The following DECR1 variants were observed in gnomAD, a reference collection of about 807,000 sequenced individuals.
The protein encoded by DECR1 is 2,4-dienoyl-CoA reductase 1.
In DECR1, 44 loss-of-function variants were observed where a neutral mutation model predicts 38.8. The observed-to-expected ratio is 1.13, with a 90% CI of 0.89 to 1.46. The LOEUF is 1.46. Among genes scored for constraint, DECR1 ranks in the 40% most tolerant of loss-of-function variants. The pLI is 0.00. For synonymous variants in DECR1, 148 were observed against 135.2 expected (o/e 1.09, Z -0.66); for missense variants, 428 against 405.5 (o/e 1.06, Z -0.48).
intron 8 of DECR1, among the ~76,000 whole-genome samples, chr8:90,049,923 G>T (rs1014192432): frequency 6.6e-6 from 1 of 152,160 alleles, no homozygotes; most frequent in African/African-American, 2.4e-5. Flanking sequence ...ACAAGAAATG[G>T]GGAAAGGATT....
chr8:90,006,303 G>A (rs753860078), intron 1 of DECR1: 1 of 704,010 alleles, frequency 1.4e-6, no homozygotes, highest in Admixed American at 2.0e-5. Flanking sequence ...TGAGAGTGTT[G>A]TTGTTTGGTA....
At chr8:90,025,936 G>A (rs192850030) in intron 5 of DECR1, among the ~76,000 whole-genome samples, 107 of 152,042 alleles carry the variant, frequency 7.0e-4, no homozygotes, top group African/African-American at 2.0e-3. Flanking sequence ...CATGAAGGGC[G>A]GTTGAATTTT....
chr8:90,029,729 A>T (rs1383168440), intron 5 of DECR1, among the ~76,000 whole-genome samples: 1 of 152,178 alleles, frequency 6.6e-6, no homozygotes, highest in Non-Finnish European at 1.5e-5. Flanking sequence ...AATAAATTTC[A>T]AAACATTCCT....
In DECR1 at chr8:90,044,931, T is replaced by G; in HGVS notation, c.821T>G (p.Val274Gly). ...ATTCCCTGTGGTCGCCTGGGGACTG[T>G]AGAAGAACTCGCAAATCTTGCTGCT... is the stretch of plus-strand genomic sequence containing the variant. ...GRIPCGRLGT[V>G]EELANLAAFL... Residue 274 changes from valine to glycine, a missense_variant, in exon 8 of 10, where the codon GTA becomes GGA. Val to Gly is a moderately radical substitution (Grantham distance 109). Transcript: ENST00000220764. 1 of 1,613,984 alleles carries G rather than the reference T, an allele frequency of 6.2e-7. No individual in the cohort carries two copies. The highest frequency in any genetic ancestry group is 8.5e-7 in the Non-Finnish European group (1 of 1,179,892).
At chr8:90,003,623 A>T (rs766104917) in intron 1 of DECR1, among the ~76,000 whole-genome samples, 6 of 152,234 alleles carry the variant, frequency 3.9e-5, no homozygotes, top group Non-Finnish European at 5.9e-5. Flanking sequence ...CTATAGTCTC[A>T]TATATGTATT....
At chr8:90,018,838 G>T in intron 2 of DECR1, 71 bp from the exon 3 acceptor site, 1 of 1,116,256 alleles carries the variant, frequency 9.0e-7, no homozygotes, top group Non-Finnish European at 1.3e-6. Context: ...TTAAGCTATG[G>T]ATTCTCTGTA....
At position 90,032,162 on chromosome 8, in the gene DECR1, A is replaced by T. The variant is rs78854709; in HGVS notation, c.566-4679A>T. On this transcript the variant is annotated intron_variant, in intron 5 of 9. Coordinates refer to ENST00000220764, the MANE Select transcript of DECR1 (RefSeq NM_001359.2). Reference sequence around the variant, plus strand: ...CTTGGAGGCTCTAGAAAGAGTCTGTATCCAGGCTCATTTAGGTCGTTGGAA... The same window carrying T: ...CTTGGAGGCTCTAGAAAGAGTCTGTTTCCAGGCTCATTTAGGTCGTTGGAA... 5.0e-3 allele frequency among the ~76,000 whole-genome samples: 757 copies of T among 152,266 alleles called. 9 individuals carry two copies. Among genetic ancestry groups the T allele is most frequent in the African/African-American group, 0.017 (692 of 41,556 alleles).
At chr8:90,018,252 G>A (rs920280199) in intron 2 of DECR1, among the ~76,000 whole-genome samples, 12 of 152,210 alleles carry the variant, frequency 7.9e-5, no homozygotes, top group African/African-American at 2.9e-4. Context: ...ATGAATATAG[G>A]AAGGGTAAGA....
In DECR1 at chr8:90,052,327, C is replaced by T. The variant is rs888473502; in HGVS notation, c.*430C>T. ...CTAAATATAATAGACTTTGCCTTTC[C>T]AGTATACTTTCTTTTCACTGGACTT... On this transcript the variant is annotated 3_prime_UTR_variant, in exon 10 of 10. Transcript: ENST00000220764. Among the ~76,000 whole-genome samples the T allele has an allele frequency of 1.3e-5, 2 of 152,020 alleles. No individual in the cohort carries two copies. Among genetic ancestry groups the T allele is most frequent in the Non-Finnish European group, 2.9e-5 (2 of 68,006 alleles).
intron 1 of DECR1, among the ~76,000 whole-genome samples, chr8:90,002,803 C>T (rs1167501078): frequency 6.6e-6 from 1 of 152,030 alleles, no homozygotes; most frequent in Non-Finnish European, 1.5e-5. Flanking sequence ...CCTGTGAAAA[C>T]TGGGTTATAG....
rs377658237 is a variant in DECR1 at position 90,048,524 on chromosome 8, T to G, written c.886-3153T>G. On this transcript the variant is annotated intron_variant, in intron 8 of 9. Coordinates refer to ENST00000220764, the MANE Select transcript of DECR1 (RefSeq NM_001359.2). ...CCCTGAATACACCAATAACACACTCTGAAATTGAGGCAATAATTAAAAGCC... is the reference window on the plus strand; with the variant it reads ...CCCTGAATACACCAATAACACACTCGGAAATTGAGGCAATAATTAAAAGCC... Among the ~76,000 whole-genome samples the G allele has an allele frequency of 4.6e-5, 7 of 152,208 alleles. No homozygotes were observed. In the East Asian group the frequency reaches 1.2e-3, roughly 25 times the overall value.
chr8:90,027,196 C>T (rs962296266), intron 5 of DECR1, among the ~76,000 whole-genome samples: 1 of 152,158 alleles, frequency 6.6e-6, no homozygotes, highest in Non-Finnish European at 1.5e-5. Flanking sequence ...AATATATAGT[C>T]TGTTGATTTG....
At chr8:90,042,598 C>A in intron 6 of DECR1, 130 bp from the exon 7 acceptor site, 1 of 743,424 alleles carries the variant, frequency 1.3e-6, no homozygotes, top group Non-Finnish European at 2.3e-6. Context: ...ATATAGGGAA[C>A]AATAATAGTA....
chr8:90,025,483 A>G (rs568038788), intron 5 of DECR1, among the ~76,000 whole-genome samples: 1 of 152,306 alleles, frequency 6.6e-6, no homozygotes, highest in South Asian at 2.1e-4. Context: ...TCTTTGAAGC[A>G]ATTGTGAATG....
At chr8:90,044,732 A>G in intron 7 of DECR1, 117 bp from the exon 8 acceptor site, 2 of 996,038 alleles carry the variant, frequency 2.0e-6, no homozygotes, top group East Asian at 2.7e-5. Context: ...TTTTACTTAC[A>G]AAGCCTAAGG....
intron 5 of DECR1, among the ~76,000 whole-genome samples, chr8:90,034,064 A>C (rs1046641569): frequency 6.6e-6 from 1 of 152,148 alleles, no homozygotes; most frequent in Non-Finnish European, 1.5e-5. Context: ...AGTTACCAGA[A>C]TGATTAACAT....
intron 1 of DECR1, chr8:90,005,203 T>C (rs1034917039): frequency 5.1e-6 from 2 of 393,342 alleles, no homozygotes; most frequent in Admixed American, 3.2e-5. Flanking sequence ...GAGAAGCGTG[T>C]GGAGACGAGA....
chr8:90,004,772 C>T (rs1812700918), intron 1 of DECR1, among the ~76,000 whole-genome samples: 1 of 152,160 alleles, frequency 6.6e-6, no homozygotes, highest in Non-Finnish European at 1.5e-5. Flanking sequence ...TAGAACAGTG[C>T]TTAGCATAGA....
At chr8:90,051,631 T>G in intron 8 of DECR1, 46 bp from the exon 9 acceptor site, 1 of 1,526,864 alleles carries the variant, frequency 6.5e-7, no homozygotes, top group Non-Finnish European at 9.0e-7. Context: ...TTCAGAAACT[T>G]TTTAAAAGGA....
Sources: gnomAD v4.1 joint callset for allele counts (sites outside exome capture counted in the v4.1 genomes callset) on GRCh38, gnomAD v4.1.1 for gene constraint, MANE v1.5 for transcripts, NCBI Gene and HGNC (gene_info 2026-07-23, HGNC 2026-07-21) for gene names.